The following B9D1 variants were observed in gnomAD, a reference collection of about 807,000 sequenced individuals.
B9D1 encodes the protein B9 domain-containing protein 1.
A neutral mutation model predicts 26.1 loss-of-function variants in B9D1; 20 were observed. The observed-to-expected ratio is 0.77, with a 90% confidence interval of 0.54 to 1.12. B9D1 has a LOEUF of 1.12. Among genes scored for constraint, B9D1 ranks in the 50% most tolerant of loss-of-function variants. B9D1 has a pLI of 0.00. For synonymous variants in B9D1, 105 were observed against 103.1 expected (o/e 1.02, Z -0.11); for missense variants, 260 against 273.7 (o/e 0.95, Z 0.35).
intron 3 of B9D1, among the ~76,000 whole-genome samples, chr17:19,349,235 A>G (rs759277527): frequency 3.9e-5 from 6 of 152,060 alleles, no homozygotes; most frequent in Non-Finnish European, 8.8e-5. Flanking sequence ...GCTTTAACTT[A>G]TATTTTCCTT....
Position 19,362,690 on chromosome 17 carries a change from T to C in B9D1, c.-121A>G, listed in dbSNP as rs1267950762. Reference sequence around the variant, plus strand: ...GACACGTTTCTTGGCAGCGACACCTTCGCGAAGGCCACGCGAGTGCGCGTG... The same window carrying C: ...GACACGTTTCTTGGCAGCGACACCTCCGCGAAGGCCACGCGAGTGCGCGTG... On this transcript the variant is annotated 5_prime_UTR_variant, in exon 1 of 7. Transcript: ENST00000261499. The C allele has an allele frequency of 3.2e-5, 49 of 1,514,080 alleles. No homozygotes were observed. The highest frequency in any genetic ancestry group is 4.1e-5 in the Non-Finnish European group (46 of 1,129,268). 93.8% of individuals were successfully genotyped at this position (1,514,080 alleles called of 1,614,324 possible).
intron 3 of B9D1, among the ~76,000 whole-genome samples, chr17:19,351,376 T>G (rs1909585457): frequency 6.6e-6 from 1 of 152,220 alleles, no homozygotes; most frequent in Admixed American, 6.5e-5. Flanking sequence ...TCTGAATATT[T>G]CATTTAGGAG....
At chr17:19,357,996 A>G (rs1467750544) in intron 2 of B9D1, 45 bp from the exon 3 acceptor site, 1 of 1,478,800 alleles carries the variant, frequency 6.8e-7, no homozygotes, top group Non-Finnish European at 9.5e-7. Flanking sequence ...AGCAGAGCCA[A>G]GCTGCTGCGG....
At chr17:19,362,452 A>G in intron 1 of B9D1, 55 bp downstream of exon 1, 1 of 1,396,024 alleles carries the variant, frequency 7.2e-7, no homozygotes, top group Non-Finnish European at 9.7e-7. Context: ...GGGTTGCGGG[A>G]AGGGCCCCGG....
chr17:19,353,794 G>T (rs1490582464), intron 3 of B9D1, among the ~76,000 whole-genome samples: 1 of 152,048 alleles, frequency 6.6e-6, no homozygotes, highest in Non-Finnish European at 1.5e-5. Flanking sequence ...TACAAAATTA[G>T]CCGGGCGTGG....
At chr17:19,377,709 G>A in intron 1 of B9D1, 1 of 339,568 alleles carries the variant, frequency 2.9e-6, no homozygotes, top group African/African-American at 2.2e-5. Flanking sequence ...TCGGATTTTG[G>A]GGTGGGTCGG....
At chr17:19,358,954 C>G (rs191535054) in intron 2 of B9D1, among the ~76,000 whole-genome samples, 1 of 152,214 alleles carries the variant, frequency 6.6e-6, no homozygotes, top group Admixed American at 6.5e-5. Flanking sequence ...CTGCCTACTT[C>G]TAAGTGCTCA....
chr17:19,347,059 G>C lies in B9D1; in HGVS notation c.404+210C>G, dbSNP rs1908908033. On this transcript the variant is annotated intron_variant, in intron 5 of 6. Coordinates refer to ENST00000261499, the MANE Select transcript of B9D1 (RefSeq NM_015681.6). The surrounding 1 kb of genome is among the most constrained non-coding windows in gnomAD (Gnocchi z 4.3). ...ACACAAAGATTTTTCACAGGGCACA[G>C]GGTAAAATCGCCCGGCCTTCTGCTG... 1 of 1,550,234 alleles carries C rather than the reference G, an allele frequency of 6.5e-7. No individual in the cohort carries two copies. The highest frequency in any genetic ancestry group is 1.4e-5 in the African/African-American group (1 of 73,130).
chr17:19,365,524 T>G (rs1321694490), upstream of B9D1, among the ~76,000 whole-genome samples: 1 of 152,254 alleles, frequency 6.6e-6, no homozygotes, highest in African/African-American at 2.4e-5. This position sits in a 1 kb window ranked among gnomAD's most constrained non-coding sequence, Gnocchi z 5.0. Context: ...CCAAGCCATT[T>G]GTCTGGGCCC....
upstream of B9D1, among the ~76,000 whole-genome samples, chr17:19,365,020 T>C (rs987541939): frequency 6.6e-6 from 1 of 152,232 alleles, no homozygotes; most frequent in African/African-American, 2.4e-5. This position sits in a 1 kb window ranked among gnomAD's most constrained non-coding sequence, Gnocchi z 5.0. Context: ...CCCCAGTCTC[T>C]CAACCATCCC....
At chr17:19,352,316 T>C (rs1909714424) in intron 3 of B9D1, among the ~76,000 whole-genome samples, 1 of 152,124 alleles carries the variant, frequency 6.6e-6, no homozygotes. Context: ...TATTCTGCTT[T>C]CTTTGGGTTT....
chr17:19,347,879 C>T lies in B9D1; in HGVS notation c.246G>A (p.Trp82Ter). 1 of 1,614,022 alleles carries T rather than the reference C, an allele frequency of 6.2e-7. No individual in the cohort carries two copies. Among genetic ancestry groups the T allele is most frequent in the Non-Finnish European group, 8.5e-7 (1 of 1,179,964 alleles). The stretch of plus-strand genomic sequence containing the variant: ...CATACACGCTGAGCACGATCTGTGG[C>T]CCTTGGGAAGGACAAGGCAGGGGGT... ...VTFKSTNPYGWPQIVLSVYGP... is the reference protein window; with the variant it reads ...VTFKSTNPYG Residue 82 changes from tryptophan (W) to a stop codon, truncating the protein, a stop_gained and splice_region_variant, in exon 4 of 7, where the codon TGG becomes TGA. Transcript: ENST00000261499. LOFTEE classifies it high-confidence loss of function. The surrounding 1 kb of genome is among the most constrained non-coding windows in gnomAD (Gnocchi z 4.3).
chr17:19,371,786 G>A (rs1911906577), intron 1 of B9D1, among the ~76,000 whole-genome samples: 1 of 152,214 alleles, frequency 6.6e-6, no homozygotes, highest in Admixed American at 6.5e-5. Flanking sequence ...GAAGGGGAAG[G>A]GGTGGGGGTC....
At chr17:19,374,828 A>T (rs1313755793) in intron 1 of B9D1, among the ~76,000 whole-genome samples, 2 of 152,246 alleles carry the variant, frequency 1.3e-5, no homozygotes, top group African/African-American at 4.8e-5. Flanking sequence ...AAGTGAAAAG[A>T]CGATCTGAGA....
downstream of B9D1, chr17:19,341,162 C>A (rs1907923184): frequency 8.1e-7 from 1 of 1,230,718 alleles, no homozygotes; most frequent in African/African-American, 1.6e-5. Context: ...TAGTATTTCC[C>A]AGCTGCTGAC....
rs1397875662 is a variant in B9D1 at position 19,343,814 on chromosome 17, C to T, written c.448G>A (p.Val150Met). 5.6e-6 allele frequency: 9 copies of T among 1,614,008 alleles called. No homozygotes were observed. The highest frequency in any genetic ancestry group is 7.6e-6 in the Non-Finnish European group (9 of 1,180,014). ...RRPEYTDPKV[V>M]AQGEGREVTR... is the part of the protein sequence containing the mutation. ...CCTTCCCGGCCTTCACCCTGAGCCA[C>T]CACCTTGGGGTCTGTGTACTCGGGC... The change falls in exon 6 of 7, where the codon GTG becomes ATG. Residue 150 changes from valine (V) to methionine (M), a missense_variant. Val to Met is a conservative substitution (Grantham distance 21). Transcript: ENST00000261499.
downstream of B9D1, among the ~76,000 whole-genome samples, chr17:19,338,222 CTG>C (rs1907617891): frequency 6.6e-6 from 1 of 152,268 alleles, no homozygotes; most frequent in African/African-American, 2.4e-5. Flanking sequence ...GCCGCACAGA[CTG>C]AGGTCGCCTT....
intron 1 of B9D1, chr17:19,377,717 C>A (rs1000223798): frequency 1.8e-5 from 8 of 444,890 alleles, no homozygotes; most frequent in Non-Finnish European, 2.1e-5. Context: ...TGGGGTGGGT[C>A]GGGACAGCTC....
At chr17:19,373,675 G>C (rs151304130) in intron 1 of B9D1, among the ~76,000 whole-genome samples, 1 of 152,074 alleles carries the variant, frequency 6.6e-6, no homozygotes, top group Non-Finnish European at 1.5e-5. Context: ...CCAGGATTGA[G>C]ACACCGCGCC....
Sources: gnomAD v4.1 joint callset for allele counts (sites outside exome capture counted in the v4.1 genomes callset) on GRCh38, gnomAD v4.1.1 for gene constraint, Gnocchi (gnomAD v3.1) non-coding constraint, MANE v1.5 for transcripts, NCBI Gene and HGNC (gene_info 2026-07-23, HGNC 2026-07-21) for gene names.